The following FGF13 variants were observed in gnomAD, a reference collection of about 807,000 sequenced individuals.
FGF13 encodes fibroblast growth factor 13.
FGF13 carries 2 observed loss-of-function variants against 19.5 expected under a neutral mutation model. The observed-to-expected ratio is 0.10, with a 90% CI of 0.04 to 0.32. The LOEUF is 0.32. Among genes scored for constraint, FGF13 ranks in the 10% least tolerant of loss-of-function variants. FGF13 has a pLI of 1.00. For synonymous variants in FGF13, 72 were observed against 76.9 expected, an observed-to-expected ratio of 0.94 and a Z score of 0.33; for missense variants, 113 against 192.7, an observed-to-expected ratio of 0.59 and a Z score of 2.45.
At chrX:138,750,766 G>C (rs150434666) in intron 3 of FGF13, among the ~76,000 whole-genome samples, 16 of 111,439 alleles carry the variant, frequency 1.4e-4, no homozygotes, top group African/African-American at 4.6e-4. Flanking sequence ...ACCTGGTCTA[G>C]AGATAAAGAT....
chrX:138,768,726 T>TATATATA lies in FGF13; in HGVS notation c.218-59799_218-59798insTATATAT, dbSNP rs1226957604. ...TTATATATATATATATAAGTATATA[T>TATATATA]TATATATATATGATATATATATATA... On this transcript the variant is annotated intron_variant, in intron 3 of 6. Coordinates refer to the FGF13 transcript ENST00000436198. Among the ~76,000 whole-genome samples the TATATATA allele has an allele frequency of 3.0e-4, 29 of 97,862 alleles. 1 individual carries two copies. Among genetic ancestry groups the TATATATA allele is most frequent in the African/African-American group, 1.2e-3 (28 of 24,163 alleles). 85.0% of individuals were successfully genotyped at this position (97,862 alleles called of 115,157 possible).
chrX:139,204,005 G>A, upstream of FGF13: 1 of 1,170,517 alleles, frequency 8.5e-7, no homozygotes, highest in Admixed American at 2.2e-5. Context: ...CGCACGCGAG[G>A]GGGCGAGGGA....
At chrX:138,787,723 C>G (rs2090705219) in intron 3 of FGF13, among the ~76,000 whole-genome samples, 1 of 109,577 alleles carries the variant, frequency 9.1e-6, no homozygotes, top group African/African-American at 3.3e-5. Context: ...CCCCACCCCC[C>G]AACAGGCCCT....
intron 3 of FGF13, among the ~76,000 whole-genome samples, chrX:138,697,679 A>G (rs2089908908): frequency 9.0e-6 from 1 of 111,429 alleles, no homozygotes; most frequent in African/African-American, 3.3e-5. Context: ...TATGGGTAGA[A>G]CTGCTGCTAA....
chrX:138,872,046 T>C (rs1002769425), intron 1 of FGF13, among the ~76,000 whole-genome samples: 1 of 112,015 alleles, frequency 8.9e-6, no homozygotes, highest in Non-Finnish European at 1.9e-5. Context: ...AGGCTACGGC[T>C]ATAATCTAAG....
Position 138,671,999 on chromosome X carries a change from A to G in FGF13, c.402+30985T>C, listed in dbSNP as rs867724187. On this transcript the variant is annotated intron_variant, in intron 3 of 4. Coordinates refer to ENST00000315930, the MANE Select transcript of FGF13 (RefSeq NM_004114.5). ...TGGGAAAGAGCAGTCCAAGCAGAAG[A>G]AACAGCCAGTGCAAAGGCTCTAAAG... Among the ~76,000 whole-genome samples the G allele has an allele frequency of 7.4e-5, 8 of 107,823 alleles. 1 individual carries two copies. The South Asian group carries it at 2.5e-3, about 34-fold the overall frequency. The allele number at this position is 107,823 out of a possible 115,157, so 93.6% of individuals were successfully genotyped here.
At chrX:138,717,381 A>C (rs1186450155) in intron 1 of FGF13, among the ~76,000 whole-genome samples, 1 of 112,025 alleles carries the variant, frequency 8.9e-6, no homozygotes, top group African/African-American at 3.3e-5. Flanking sequence ...TTTTTCTTCT[A>C]TAAAACCTTT....
chrX:138,864,226 A>T (rs1170941139), intron 2 of FGF13, among the ~76,000 whole-genome samples: 1 of 112,297 alleles, frequency 8.9e-6, no homozygotes, highest in African/African-American at 3.2e-5. Context: ...CACTTTTTTG[A>T]CCCTCAAAGA....
At chrX:138,758,266 T>C (rs927916639) in intron 3 of FGF13, among the ~76,000 whole-genome samples, 2 of 111,731 alleles carry the variant, frequency 1.8e-5, no homozygotes, top group Non-Finnish European at 3.8e-5. Context: ...GAAAAGGACC[T>C]GTCATGTGTT....
At chrX:138,914,635 A>ATTTTT (rs1378551810) in intron 1 of FGF13, among the ~76,000 whole-genome samples, 1 of 49,034 alleles carries the variant, frequency 2.0e-5, no homozygotes, top group African/African-American at 1.0e-4. Context: ...CTTGTGTTGG[A>ATTTTT]CTTTTTTTTT....
In FGF13 at chrX:138,890,392, C is replaced by T. The variant is rs184202139; in HGVS notation, c.-112-25742G>A. 3.7e-3 allele frequency among the ~76,000 whole-genome samples: 412 copies of T among 111,445 alleles called. 2 individuals carry two copies. The highest frequency in any genetic ancestry group is 6.1e-3 in the Non-Finnish European group (326 of 53,084). Reference sequence around the variant, plus strand: ...TTCTCTTTCCTTGAGATATATGAATCATTGGTGTCATTATTAACACTAGCC... The same window carrying T: ...TTCTCTTTCCTTGAGATATATGAATTATTGGTGTCATTATTAACACTAGCC... On this transcript the variant is annotated intron_variant, in intron 1 of 2. Coordinates refer to the FGF13 transcript ENST00000421460.
intron 3 of FGF13, among the ~76,000 whole-genome samples, chrX:138,674,157 A>C (rs966816144): frequency 9.0e-6 from 1 of 110,741 alleles, no homozygotes; most frequent in Admixed American, 9.7e-5. Context: ...AAGTAGAATA[A>C]ATTGAGCCCT....
intron 1 of FGF13, among the ~76,000 whole-genome samples, chrX:139,173,365 A>T (rs952949095): frequency 4.5e-5 from 5 of 109,980 alleles, no homozygotes; most frequent in African/African-American, 1.6e-4. Context: ...CTCTTTTTTT[A>T]AAATATATGA....
Position 138,893,148 on chromosome X carries a change from C to T in FGF13, c.-112-28498G>A, listed in dbSNP as rs181667387. 5.4e-5 allele frequency among the ~76,000 whole-genome samples: 6 copies of T among 111,480 alleles called. No individual in the cohort carries two copies. In the East Asian group the frequency reaches 1.7e-3, roughly 32 times the overall value. ...ACTCCCAGGGATATGAGAAGGACCT[C>T]GGAGGTAACTGAGAAGGCTGAAAAG... On this transcript the variant is annotated intron_variant, in intron 1 of 2. Coordinates refer to the FGF13 transcript ENST00000421460.
chrX:138,745,143 T>C (rs1428142683), intron 3 of FGF13, among the ~76,000 whole-genome samples: 2 of 112,196 alleles, frequency 1.8e-5, no homozygotes, highest in Admixed American at 1.9e-4. Context: ...GACATCATAC[T>C]ACATAACATC....
intron 3 of FGF13, among the ~76,000 whole-genome samples, chrX:138,651,579 T>C (rs2089373796): frequency 9.0e-6 from 1 of 111,726 alleles, no homozygotes; most frequent in South Asian, 3.7e-4. Context: ...GAGCCATCAT[T>C]TAGGGTGTAA....
chrX:138,652,930 A>C (rs749056699), intron 3 of FGF13, among the ~76,000 whole-genome samples: 1 of 112,263 alleles, frequency 8.9e-6, no homozygotes, highest in South Asian at 3.7e-4. Context: ...AGAAATGCCA[A>C]CTCCTTGTAT....
upstream of FGF13, chrX:139,203,538 G>GC (rs1187964062): frequency 1.5e-5 from 1 of 66,622 alleles, no homozygotes; most frequent in African/African-American, 2.0e-4. Context: ...TGGGAAAGGA[G>GC]GGGGGAGGGG....
At chrX:139,007,567 G>C (rs906583121) in intron 1 of FGF13, among the ~76,000 whole-genome samples, 1 of 112,286 alleles carries the variant, frequency 8.9e-6, no homozygotes, top group Non-Finnish European at 1.9e-5. Context: ...TCATCACTTA[G>C]ATCTTTCTCA....
Sources: allele counts gnomAD v4.1 joint callset (sites outside exome capture counted in the v4.1 genomes callset), GRCh38; gene constraint gnomAD v4.1.1; transcripts MANE v1.5; gene names NCBI Gene and HGNC (gene_info 2026-07-23, HGNC 2026-07-21).